The following ARL15 variants were observed in gnomAD, a reference collection of about 807,000 sequenced individuals.
ARL15 encodes the protein ARF like GTPase 15.
In ARL15, 19 loss-of-function variants were observed where a neutral mutation model predicts 25.2. That is an observed-to-expected ratio of 0.75 (90% CI 0.53 to 1.10). ARL15 has a LOEUF of 1.10. Among genes scored for constraint, ARL15 ranks in the 50% least tolerant of loss-of-function variants. The probability of loss-of-function intolerance (pLI) is 0.00; values close to 1 mark genes in which losing one functional copy is unlikely to be tolerated. For missense variants in ARL15, 220 were observed against 246.0 expected, an observed-to-expected ratio of 0.89 and a Z score of 0.71; for synonymous variants, 94 against 86.8, an observed-to-expected ratio of 1.08 and a Z score of -0.46.
chr5:54,302,683 A>ATT (rs372704359), intron 1 of ARL15, among the ~76,000 whole-genome samples: 8,905 of 77,618 alleles, frequency 0.11, 1,431 homozygotes, highest in East Asian at 0.18. Flanking sequence ...TAAAATTAAG[A>ATT]TTTTTTTTTT....
At chr5:54,048,296 C>G (rs1750590223) in intron 4 of ARL15, 2 of 151,848 alleles carry the variant, frequency 1.3e-5, no homozygotes, top group South Asian at 4.2e-4. Context: ...TGGTGCATGC[C>G]ACCTCACTTG....
intron 4 of ARL15, among the ~76,000 whole-genome samples, chr5:53,931,040 G>A (rs1398343388): frequency 1.3e-5 from 2 of 152,082 alleles, no homozygotes; most frequent in African/African-American, 2.4e-5. Context: ...CATAAATGGT[G>A]ATTATAAATA....
chr5:54,013,168 AG>A lies in ARL15; in HGVS notation c.462+100033del, dbSNP rs547088775. On this transcript the variant is annotated intron_variant, in intron 4 of 4. Coordinates refer to ENST00000504924, the MANE Select transcript of ARL15 (RefSeq NM_019087.3). ...TCTATTAGTTTTGAAAACTGAGTAT[AG>A]AAAGCTAATTTCATTTTACAAGTTA... is the stretch of plus-strand genomic sequence containing the variant. Among the ~76,000 whole-genome samples, 226 of 152,386 alleles carry A rather than the reference AG, an allele frequency of 1.5e-3. 1 individual carries two copies. The highest frequency in any genetic ancestry group is 1.8e-3 in the Admixed American group (27 of 15,312).
intron 4 of ARL15, among the ~76,000 whole-genome samples, chr5:53,941,519 G>C (rs996662370): frequency 6.6e-6 from 1 of 152,174 alleles, no homozygotes; most frequent in African/African-American, 2.4e-5. Context: ...CTAGGGCTTT[G>C]GCTAAGTACA....
intron 1 of ARL15, among the ~76,000 whole-genome samples, chr5:54,239,714 A>G (rs12233919): frequency 0.62 from 94,388 of 151,952 alleles, 30,107 homozygotes; most frequent in Non-Finnish European, 0.7. Context: ...TACTGTCTGA[A>G]ACGTGGGAGT....
At chr5:53,950,231 C>T (rs542998045) in intron 4 of ARL15, among the ~76,000 whole-genome samples, 3 of 151,106 alleles carry the variant, frequency 2.0e-5, no homozygotes, top group Non-Finnish European at 4.4e-5. Context: ...GAGTTCAGGA[C>T]CAGCCAGGGC....
Position 54,284,145 on chromosome 5 carries a change from C to T in ARL15, c.48+26287G>A, listed in dbSNP as rs534536012. Among the ~76,000 whole-genome samples, 2 of 152,226 alleles carry T rather than the reference C, an allele frequency of 1.3e-5. 1 individual carries two copies. The highest frequency in any genetic ancestry group is 4.2e-4 in the South Asian group (2 of 4,818). On this transcript the variant is annotated intron_variant, in intron 1 of 4. Transcript: ENST00000504924. ...CTGAGACAGGGTCTCACTTGGTTGC[C>T]CAGGCTGGAGTACAGTGGTGCAATC...
chr5:53,933,002 T>C (rs1182536951), intron 4 of ARL15, among the ~76,000 whole-genome samples: 1 of 152,134 alleles, frequency 6.6e-6, no homozygotes, highest in Non-Finnish European at 1.5e-5. Flanking sequence ...AGCATGAAAA[T>C]GTAAGGCCAT....
At chr5:54,105,580 T>G (rs1418132436) in intron 4 of ARL15, among the ~76,000 whole-genome samples, 1 of 152,108 alleles carries the variant, frequency 6.6e-6, no homozygotes, top group Non-Finnish European at 1.5e-5. Context: ...AAGGCTACAT[T>G]TTTTTATTTG....
chr5:53,941,748 CTTT>C (rs566137885), intron 4 of ARL15, among the ~76,000 whole-genome samples: 167 of 152,254 alleles, frequency 1.1e-3, no homozygotes, highest in African/African-American at 3.8e-3. Flanking sequence ...GGTGATTCTT[CTTT>C]GAGTTGTTGG....
At chr5:54,214,273 T>G (rs1756123047) in intron 1 of ARL15, among the ~76,000 whole-genome samples, 1 of 152,154 alleles carries the variant, frequency 6.6e-6, no homozygotes, top group African/African-American at 2.4e-5. Context: ...AGATAAGAGA[T>G]ATCTTTCCAG....
chr5:53,957,324 A>G, intron 4 of ARL15, among the ~76,000 whole-genome samples: 1 of 152,194 alleles, frequency 6.6e-6, no homozygotes, highest in South Asian at 2.1e-4. Flanking sequence ...AAGTGCTGAA[A>G]GAATAAAAAA....
At chr5:54,093,190 T>C (rs1384910561) in intron 4 of ARL15, among the ~76,000 whole-genome samples, 2 of 152,170 alleles carry the variant, frequency 1.3e-5, no homozygotes, top group Non-Finnish European at 2.9e-5. Context: ...GTGTCTATTG[T>C]TGAATGTAGA....
chr5:54,081,920 C>T (rs1289494027), intron 4 of ARL15, among the ~76,000 whole-genome samples: 5 of 151,262 alleles, frequency 3.3e-5, no homozygotes, highest in Admixed American at 1.3e-4. Context: ...AGCGAAACCC[C>T]GTCTCTACTA....
At chr5:54,185,545 T>C (rs1205420723) in intron 1 of ARL15, among the ~76,000 whole-genome samples, 1 of 152,160 alleles carries the variant, frequency 6.6e-6, no homozygotes, top group African/African-American at 2.4e-5. Flanking sequence ...CCAAGCCACA[T>C]GGCCAGATGT....
At chr5:54,128,915 C>T (rs913002203) in intron 3 of ARL15, among the ~76,000 whole-genome samples, 16 of 151,978 alleles carry the variant, frequency 1.1e-4, no homozygotes, top group Non-Finnish European at 2.9e-5. Flanking sequence ...CCATGTTAGC[C>T]AGGACGGTCT....
chr5:54,123,709 C>T (rs1212514923), intron 3 of ARL15, among the ~76,000 whole-genome samples: 1 of 152,148 alleles, frequency 6.6e-6, no homozygotes, highest in Non-Finnish European at 1.5e-5. Flanking sequence ...CATATACCAT[C>T]AAGCAGGTTT....
chr5:54,139,381 G>C (rs370907399), intron 3 of ARL15, among the ~76,000 whole-genome samples: 15 of 152,156 alleles, frequency 9.9e-5, no homozygotes, highest in African/African-American at 3.4e-4. Flanking sequence ...CGTGAAGCTA[G>C]AGGTCATTAT....
intron 4 of ARL15, among the ~76,000 whole-genome samples, chr5:53,920,690 A>AAAT (rs1561150015): frequency 1.8e-4 from 20 of 113,430 alleles, no homozygotes; most frequent in Admixed American, 7.0e-4. Flanking sequence ...AATAAATAAA[A>AAAT]GGAGCTGCCT....
Sources: gnomAD v4.1 joint callset for allele counts (sites outside exome capture counted in the v4.1 genomes callset) on GRCh38, gnomAD v4.1.1 for gene constraint, MANE v1.5 for transcripts, NCBI Gene and HGNC (gene_info 2026-07-23, HGNC 2026-07-21) for gene names.